GRID2: variants seen among roughly 807,000 people sequenced by gnomAD.
GRID2 encodes the protein glutamate ionotropic receptor delta type subunit 2.
In GRID2, 33 loss-of-function variants were observed where a neutral mutation model predicts 114.8. The ratio of observed to expected loss-of-function variants is 0.29; its 90% CI spans 0.22 to 0.38. The LOEUF (loss-of-function observed/expected upper bound fraction) is 0.38. GRID2 is among the 10% of genes least tolerant of loss of function. GRID2 has a pLI of 1.00. For missense variants in GRID2, 1,184 were observed against 1,257.7 expected, an observed-to-expected ratio of 0.94 and a Z score of 0.89; for synonymous variants, 505 against 449.9, an observed-to-expected ratio of 1.12 and a Z score of -1.55.
intron 11 of GRID2, among the ~76,000 whole-genome samples, chr4:93,470,977 G>A (rs1392317217): frequency 1.3e-5 from 2 of 151,846 alleles, no homozygotes; most frequent in Non-Finnish European, 2.9e-5. Flanking sequence ...TTTGTTAGAC[G>A]TGCATTTTTG....
At position 93,149,893 on chromosome 4, in the gene GRID2, C is replaced by G. The variant is rs933270086; in HGVS notation, c.735+38940C>G. ...TCAAGTGATCCTCCTGCCTCCACCT[C>G]CCAGTAGGCTGGGATTACAGGTGTG... On this transcript the variant is annotated intron_variant, in intron 4 of 15. Coordinates refer to ENST00000282020, the MANE Select transcript of GRID2 (RefSeq NM_001510.4). Among the ~76,000 whole-genome samples, 28 of 151,974 alleles carry G rather than the reference C, an allele frequency of 1.8e-4. 1 individual carries two copies. The highest frequency in any genetic ancestry group is 2.9e-5 in the Non-Finnish European group (2 of 67,998).
At chr4:92,446,415 G>T (rs1008611604) in intron 1 of GRID2, among the ~76,000 whole-genome samples, 1 of 152,240 alleles carries the variant, frequency 6.6e-6, no homozygotes, top group Non-Finnish European at 1.5e-5. Flanking sequence ...TCAGAGAAGA[G>T]AGAGCAGAAA....
intron 1 of GRID2, among the ~76,000 whole-genome samples, chr4:92,307,682 C>A (rs914061650): frequency 9.2e-5 from 14 of 151,888 alleles, no homozygotes; most frequent in Admixed American, 5.9e-4. Context: ...TTATTTTAGT[C>A]AAAAATGCAC....
intron 13 of GRID2, among the ~76,000 whole-genome samples, chr4:93,594,124 A>T (rs993815089): frequency 6.6e-6 from 1 of 152,180 alleles, no homozygotes; most frequent in Admixed American, 6.5e-5. Context: ...GGAGGAGGAG[A>T]GGCACTCTGC....
At chr4:93,750,190 G>A (rs79121410) in intron 14 of GRID2, among the ~76,000 whole-genome samples, 1 of 152,162 alleles carries the variant, frequency 6.6e-6, no homozygotes, top group South Asian at 2.1e-4. Flanking sequence ...CTTTCAAAGA[G>A]ATAAAACACA....
intron 1 of GRID2, among the ~76,000 whole-genome samples, chr4:92,513,044 T>C (rs1446040978): frequency 6.6e-6 from 1 of 151,842 alleles, no homozygotes; most frequent in Non-Finnish European, 1.5e-5. Context: ...CTTTAGCAAA[T>C]AGTGTAAACA....
chr4:93,652,439 C>T (rs4519763), intron 14 of GRID2, among the ~76,000 whole-genome samples: 111,724 of 152,048 alleles, frequency 0.73, 41,704 homozygotes, highest in African/African-American at 0.87. Context: ...GCATTTTTCT[C>T]GTAACTTTTC....
chr4:93,111,496 A>G (rs1007045178), intron 4 of GRID2, among the ~76,000 whole-genome samples: 9 of 152,164 alleles, frequency 5.9e-5, no homozygotes, highest in African/African-American at 2.2e-4. Context: ...TCAAATTTTT[A>G]ATTGTATCTG....
At chr4:93,089,406 T>A (rs1234021959) in intron 3 of GRID2, among the ~76,000 whole-genome samples, 2 of 152,168 alleles carry the variant, frequency 1.3e-5, no homozygotes, top group African/African-American at 2.4e-5. Context: ...GGCTGACCTA[T>A]CTGTAACAGA....
chr4:93,505,610 T>C (rs958533561), intron 12 of GRID2, among the ~76,000 whole-genome samples: 5 of 148,726 alleles, frequency 3.4e-5, no homozygotes, highest in Non-Finnish European at 7.4e-5. Context: ...ATATATATTT[T>C]ATTAGATATC....
Position 93,465,411 on chromosome 4 carries a change from C to T in GRID2, c.1858+9437C>T, listed in dbSNP as rs193270631. Among the ~76,000 whole-genome samples, 50 of 152,276 alleles carry T rather than the reference C, an allele frequency of 3.3e-4. 1 individual carries two copies. In the South Asian group the frequency reaches 7.5e-3, roughly 23 times the overall value. The stretch of plus-strand genomic sequence containing the variant: ...AAATATCTAACTAAACTACTCTTTT[C>T]ATGTCTTTGTGTTTCCTTAAGAGAC... On this transcript the variant is annotated intron_variant, in intron 11 of 15. Transcript: ENST00000282020.
downstream of GRID2, among the ~76,000 whole-genome samples, chr4:93,776,191 C>A (rs894577691): frequency 4.6e-5 from 7 of 152,116 alleles, no homozygotes; most frequent in African/African-American, 1.2e-4. Flanking sequence ...TTCCAGAGTA[C>A]TTTTCTTTCA....
At chr4:92,506,246 G>C (rs1579484868) in intron 1 of GRID2, among the ~76,000 whole-genome samples, 1 of 152,046 alleles carries the variant, frequency 6.6e-6, no homozygotes, top group East Asian at 1.9e-4. Context: ...GAATGTGGTG[G>C]TGGGATTCTA....
intron 2 of GRID2, among the ~76,000 whole-genome samples, chr4:92,870,653 T>A (rs983360787): frequency 2.6e-5 from 4 of 152,190 alleles, no homozygotes; most frequent in Non-Finnish European, 5.9e-5. Flanking sequence ...CATTCAATTA[T>A]TAAATTATAG....
chr4:93,035,284 C>T (rs1840717), intron 2 of GRID2, among the ~76,000 whole-genome samples: 94,641 of 151,714 alleles, frequency 0.62, 31,152 homozygotes, highest in African/African-American at 0.83. Flanking sequence ...GCTAATTTTT[C>T]GTATTTTTAT....
At chr4:92,565,609 A>T (rs138211614) in intron 1 of GRID2, among the ~76,000 whole-genome samples, 1 of 152,050 alleles carries the variant, frequency 6.6e-6, no homozygotes, top group African/African-American at 2.4e-5. Context: ...CTAGACTATA[A>T]TCTCTTCAAG....
intron 1 of GRID2, among the ~76,000 whole-genome samples, chr4:92,545,847 A>G (rs1271441272): frequency 6.6e-6 from 1 of 152,286 alleles, no homozygotes; most frequent in East Asian, 1.9e-4. Context: ...TCCTCCTTCA[A>G]GGACTTCTCA....
At chr4:93,145,358 TGAA>T (rs1160334112) in intron 4 of GRID2, among the ~76,000 whole-genome samples, 1 of 152,070 alleles carries the variant, frequency 6.6e-6, no homozygotes, top group Non-Finnish European at 1.5e-5. Flanking sequence ...ACTAGATAAA[TGAA>T]GGAGGGAAGA....
intron 2 of GRID2, among the ~76,000 whole-genome samples, chr4:92,983,733 T>C (rs1278352362): frequency 6.6e-6 from 1 of 152,102 alleles, no homozygotes; most frequent in Non-Finnish European, 1.5e-5. Context: ...ATAAGTCAAG[T>C]TTTACAGATT....
Sources: gnomAD v4.1 joint callset for allele counts (sites outside exome capture counted in the v4.1 genomes callset) on GRCh38, gnomAD v4.1.1 for gene constraint, MANE v1.5 for transcripts, NCBI Gene and HGNC (gene_info 2026-07-23, HGNC 2026-07-21) for gene names.